AKAP13: variants seen among roughly 807,000 people sequenced by gnomAD.
AKAP13 encodes A-kinase anchoring protein 13.
In AKAP13, 80 loss-of-function variants were observed where a neutral mutation model predicts 264.5. That is an observed-to-expected ratio of 0.30 (90% CI 0.25 to 0.36). The LOEUF (loss-of-function observed/expected upper bound fraction) is 0.36, where lower values mean the gene tolerates loss of function less well. Among genes scored for constraint, AKAP13 ranks in the 10% least tolerant of loss-of-function variants. The pLI is 1.00. For missense variants in AKAP13, 3,712 were observed against 3,435.2 expected, an observed-to-expected ratio of 1.08 and a Z score of -2.01; for synonymous variants, 1,380 against 1,250.2, an observed-to-expected ratio of 1.10 and a Z score of -2.19.
chr15:85,537,559 A>T (rs1160850675), intron 4 of AKAP13, among the ~76,000 whole-genome samples: 1 of 152,226 alleles, frequency 6.6e-6, no homozygotes, highest in Non-Finnish European at 1.5e-5. Flanking sequence ...ATAGGTGCCT[A>T]TGTGCACACA....
At chr15:85,442,470 A>ATATATTATATAATATATATTATATATAT (rs1567059459) in intron 1 of AKAP13, among the ~76,000 whole-genome samples, 11 of 125,976 alleles carry the variant, frequency 8.7e-5, no homozygotes, top group Non-Finnish European at 1.8e-4. Flanking sequence ...TATACATAAT[A>ATATATTATATAATATATATTATATATAT]TATATTATAT....
intron 21 of AKAP13, 51 bp downstream of exon 21, chr15:85,717,453 G>A (rs370632736): frequency 2.4e-6 from 3 of 1,264,170 alleles, no homozygotes; most frequent in Non-Finnish European, 3.4e-6. Flanking sequence ...GACTGTGTGT[G>A]TGTCATTACC....
At chr15:85,518,662 A>T (rs1216268003) in intron 2 of AKAP13, among the ~76,000 whole-genome samples, 2 of 152,110 alleles carry the variant, frequency 1.3e-5, no homozygotes, top group Admixed American at 1.3e-4. Flanking sequence ...GGGATACCTG[A>T]TCTCTACAAA....
At chr15:85,529,204 G>T (rs746337996) in intron 3 of AKAP13, among the ~76,000 whole-genome samples, 12 of 152,124 alleles carry the variant, frequency 7.9e-5, no homozygotes, top group Non-Finnish European at 1.6e-4. Flanking sequence ...GGCGGATTAC[G>T]AGGTCAGGAG....
intron 5 of AKAP13, among the ~76,000 whole-genome samples, chr15:85,565,366 T>C (rs1340787915): frequency 1.3e-5 from 2 of 152,252 alleles, no homozygotes; most frequent in African/African-American, 4.8e-5. Flanking sequence ...CAGCTGAGGC[T>C]ATGGTGCCTC....
At chr15:85,399,510 A>AAAAAAAAAAT (rs2071292988) in intron 1 of AKAP13, among the ~76,000 whole-genome samples, 5 of 67,618 alleles carry the variant, frequency 7.4e-5, no homozygotes, top group Middle Eastern at 6.9e-3. Context: ...CTCAAAAAAA[A>AAAAAAAAAAT]AAAAAAAAAA....
chr15:85,614,718 C>T (rs552751240), intron 8 of AKAP13, among the ~76,000 whole-genome samples: 3 of 152,166 alleles, frequency 2.0e-5, no homozygotes, highest in African/African-American at 7.2e-5. Flanking sequence ...CTGATTTACA[C>T]AACTGAGTTT....
chr15:85,669,769 C>G lies in AKAP13; in HGVS notation c.5040C>G (p.Ala1680=). 6.2e-7 allele frequency: 1 copy of G among 1,613,730 alleles called. No homozygotes were observed. Among genetic ancestry groups the G allele is most frequent in the Non-Finnish European group, 8.5e-7 (1 of 1,179,724 alleles). The change falls in exon 14 of 37, where the codon GCC becomes GCG. Residue 1680 remains alanine (A), a synonymous_variant. Coordinates refer to ENST00000394518, the MANE Select transcript of AKAP13 (RefSeq NM_007200.5). ...AGGGATTTAATTACTGTACATCAGC[C>G]ATTTCCTCTCCATTGACAAAATCCA... ...KQQGFNYCTS[A]ISSPLTKSIS... is the part of the protein sequence containing the mutation.
At chr15:85,694,232 A>T (rs1040501778) in intron 17 of AKAP13, among the ~76,000 whole-genome samples, 2 of 152,242 alleles carry the variant, frequency 1.3e-5, no homozygotes, top group Non-Finnish European at 2.9e-5. Context: ...GTGCTCAGGG[A>T]CATTCTGTGC....
At chr15:85,607,601 T>C (rs1483881542) in intron 8 of AKAP13, among the ~76,000 whole-genome samples, 1 of 152,114 alleles carries the variant, frequency 6.6e-6, no homozygotes, top group African/African-American at 2.4e-5. Context: ...CTTAATAGAG[T>C]CACTAAGCTA....
At chr15:85,513,405 T>C (rs972881303) in intron 2 of AKAP13, among the ~76,000 whole-genome samples, 1 of 152,150 alleles carries the variant, frequency 6.6e-6, no homozygotes, top group African/African-American at 2.4e-5. Context: ...TTAAAACTTT[T>C]AATGTGGACA....
chr15:85,544,561 A>G lies in AKAP13; in HGVS notation c.662+606A>G, dbSNP rs953247391. ...GTCTGTTTTTGGGCTCAATTATTAT[A>G]TGTCCTGACTCTTTAAAGAGTTCTC... is the stretch of plus-strand genomic sequence containing the variant. On this transcript the variant is annotated intron_variant, in intron 5 of 36. Transcript: ENST00000394518. Among the ~76,000 whole-genome samples the G allele has an allele frequency of 8.5e-5, 13 of 152,318 alleles. No individual in the cohort carries two copies. The East Asian group carries it at 2.5e-3, about 29-fold the overall frequency.
Position 85,466,952 on chromosome 15 carries a change from C to T in AKAP13, c.-11-18758C>T, listed in dbSNP as rs963463512. ...GTTCCCAACCTTTTAAAAATTTTATCTGTGTCTGTCTTGGTGGGTTCCCAG... is the reference window on the plus strand; with the variant it reads ...GTTCCCAACCTTTTAAAAATTTTATTTGTGTCTGTCTTGGTGGGTTCCCAG... On this transcript the variant is annotated intron_variant, in intron 1 of 36. Transcript: ENST00000394518. Among the ~76,000 whole-genome samples, 16 of 151,886 alleles carry T rather than the reference C, an allele frequency of 1.1e-4. 1 individual carries two copies. The highest frequency in any genetic ancestry group is 6.2e-4 in the South Asian group (3 of 4,804).
chr15:85,629,755 C>G (rs538515854), intron 8 of AKAP13, among the ~76,000 whole-genome samples: 1 of 124,928 alleles, frequency 8.0e-6, no homozygotes. Context: ...TAATGAGTTC[C>G]TTTACAGCCT....
chr15:85,705,530 A>G (rs1304337423), intron 17 of AKAP13, among the ~76,000 whole-genome samples: 1 of 152,190 alleles, frequency 6.6e-6, no homozygotes, highest in South Asian at 2.1e-4. Context: ...GATGCGATAA[A>G]TGGATTATGC....
intron 2 of AKAP13, among the ~76,000 whole-genome samples, chr15:85,504,277 G>GGAGAGGA (rs1349985592): frequency 6.6e-6 from 1 of 151,926 alleles, no homozygotes; most frequent in Non-Finnish European, 1.5e-5. Context: ...CTGCTCTCTG[G>GGAGAGGA]GAGAGGAGAG....
intron 5 of AKAP13, among the ~76,000 whole-genome samples, chr15:85,547,524 G>T (rs749426027): frequency 6.7e-6 from 1 of 150,200 alleles, no homozygotes; most frequent in Non-Finnish European, 1.5e-5. Context: ...AATCCTACCA[G>T]ATAGTAATAA....
chr15:85,596,750 T>C (rs760872749), intron 8 of AKAP13, among the ~76,000 whole-genome samples: 1 of 152,206 alleles, frequency 6.6e-6, no homozygotes, highest in African/African-American at 2.4e-5. Flanking sequence ...TTGGGGTAAA[T>C]TGTATAGCTT....
At chr15:85,442,442 T>A (rs2073703482) in intron 1 of AKAP13, among the ~76,000 whole-genome samples, 1 of 126,138 alleles carries the variant, frequency 7.9e-6, no homozygotes, top group Non-Finnish European at 1.6e-5. Context: ...ATATATAATA[T>A]AAAATATACA....
Sources: allele counts gnomAD v4.1 joint callset (sites outside exome capture counted in the v4.1 genomes callset), GRCh38; gene constraint gnomAD v4.1.1; transcripts MANE v1.5; gene names NCBI Gene and HGNC (gene_info 2026-07-23, HGNC 2026-07-21).